Variants in NF1 observed in about 807,000 individuals in gnomAD.
NF1 encodes neurofibromin 1, also known as neurofibromin.
A neutral mutation model predicts 325.7 loss-of-function variants in NF1; 122 were observed. That is an observed-to-expected ratio of 0.37 (90% CI 0.32 to 0.44). NF1 has a LOEUF of 0.44. NF1 is among the 20% of genes least tolerant of loss of function. The pLI is 1.00. For missense variants in NF1, 2,140 were observed against 3,415.4 expected (o/e 0.63, Z 9.31); for synonymous variants, 1,091 against 1,186.0 (o/e 0.92, Z 1.65).
chr17:31,304,560 C>T, intron 36 of NF1: 1 of 1,614,170 alleles, frequency 6.2e-7, no homozygotes, highest in South Asian at 1.1e-5. Flanking sequence ...GGTTACTTTC[C>T]TGTCCTTCCA....
intron 51 of NF1, among the ~76,000 whole-genome samples, chr17:31,355,018 T>G (rs2070237349): frequency 6.6e-6 from 1 of 152,186 alleles, no homozygotes; most frequent in African/African-American, 2.4e-5. Flanking sequence ...AAATTTAGGT[T>G]GATTACATTT....
chr17:31,131,643 A>T (rs961140536), intron 1 of NF1, among the ~76,000 whole-genome samples: 3 of 152,212 alleles, frequency 2.0e-5, no homozygotes, highest in African/African-American at 7.2e-5. Context: ...CATTGATGTT[A>T]CATTCTGTGG....
At chr17:31,223,162 T>G (rs1307260551) in intron 15 of NF1, among the ~76,000 whole-genome samples, 1 of 152,204 alleles carries the variant, frequency 6.6e-6, no homozygotes. Flanking sequence ...TTTCTTCTTA[T>G]GTCTACTACA....
At chr17:31,326,348 T>A in intron 37 of NF1, 96 bp downstream of exon 37, 1 of 1,227,536 alleles carries the variant, frequency 8.1e-7, no homozygotes, top group East Asian at 2.4e-5. Context: ...CCTATAGTGG[T>A]GTATAAAATG....
In NF1 at chr17:31,375,696, A is replaced by G. The variant is rs2151602853; in HGVS notation, c.*1541A>G. On this transcript the variant is annotated 3_prime_UTR_variant, in exon 58 of 58. Coordinates refer to ENST00000358273, the MANE Select transcript of NF1 (RefSeq NM_001042492.3). ...TGCTGTTTCATTAGAGGATTTCAGT[A>G]AATTAAATTCCACAGCTAATTCAAT... 4.3e-6 allele frequency: 1 copy of G among 232,916 alleles called. No homozygotes were observed. Among genetic ancestry groups the G allele is most frequent in the Non-Finnish European group, 8.5e-6 (1 of 117,588 alleles). 14.4% of individuals were successfully genotyped at this position (232,916 alleles called of 1,614,324 possible).
At chr17:31,138,696 C>A (rs1397716372) in intron 1 of NF1, among the ~76,000 whole-genome samples, 2 of 150,248 alleles carry the variant, frequency 1.3e-5, no homozygotes, top group East Asian at 2.0e-4. Context: ...CAGGTTCACG[C>A]AATTCTTCTG....
At position 31,236,067 on chromosome 17, in the gene NF1, T is replaced by TTG. The variant is rs1555615590; in HGVS notation, c.3974+47_3974+48insGT. 1,027 of 1,463,904 alleles carry TTG rather than the reference T, an allele frequency of 7.0e-4. 3 individuals carry two copies. The African/African-American group carries it at 8.2e-3, about 12-fold the overall frequency. 90.7% of individuals were successfully genotyped at this position (1,463,904 alleles called of 1,614,324 possible). ...GAACCGCTGTTTTTTGTTTTTTTTTTTTTGTTTGTTTGTTTTACTAACACT... is the reference window on the plus strand; with the variant it reads ...GAACCGCTGTTTTTTGTTTTTTTTTTTGTTTGTTTGTTTGTTTTACTAACACT... On this transcript the variant is annotated intron_variant, in intron 29 of 57. Transcript: ENST00000358273.
intron 36 of NF1, chr17:31,295,104 T>C (rs1193243476): frequency 6.2e-7 from 1 of 1,614,090 alleles, no homozygotes; most frequent in African/African-American, 1.3e-5. Context: ...GTCTTTACAT[T>C]TGTGGTTGTC....
At chr17:31,293,933 G>C (rs1344956593) in intron 36 of NF1, among the ~76,000 whole-genome samples, 1 of 152,180 alleles carries the variant, frequency 6.6e-6, no homozygotes, top group South Asian at 2.1e-4. Flanking sequence ...TGGAGTTCCA[G>C]TGTGGTTTGA....
chr17:31,188,912 GC>G (rs1378584571), intron 8 of NF1, among the ~76,000 whole-genome samples: 1 of 152,172 alleles, frequency 6.6e-6, no homozygotes, highest in Non-Finnish European at 1.5e-5. Flanking sequence ...CCTGCAGACA[GC>G]CTATTGTGGG....
intron 46 of NF1, 162 bp from the exon 47 acceptor site, chr17:31,340,343 C>T: frequency 1.2e-6 from 1 of 804,834 alleles, no homozygotes; most frequent in Non-Finnish European, 2.0e-6. Context: ...TTTAGTTATA[C>T]ATATGGAAAA....
intron 36 of NF1, among the ~76,000 whole-genome samples, chr17:31,270,645 C>G (rs976230847): frequency 1.3e-5 from 2 of 152,074 alleles, no homozygotes; most frequent in Non-Finnish European, 2.9e-5. Context: ...ACAAAAACCC[C>G]AAGTTACAAA....
rs201697638 is a variant in NF1, at chr17:31,130,074, G to GTTTT, written c.61-25903_61-25900dup. On this transcript the variant is annotated intron_variant, in intron 1 of 57. Coordinates refer to ENST00000358273, the MANE Select transcript of NF1 (RefSeq NM_001042492.3). ...TGTTCCTTCAGTCTTTGAAGTCGCT[G>GTTTT]TTTTTTTTTGTTTTTTTTTTTTTAT... Among the ~76,000 whole-genome samples, 45 of 129,340 alleles carry GTTTT rather than the reference G, an allele frequency of 3.5e-4. 2 individuals are homozygous for GTTTT. Among genetic ancestry groups the GTTTT allele is most frequent in the African/African-American group, 9.1e-4 (31 of 34,028 alleles). The allele number at this position is 129,340 out of a possible 152,430, so 84.9% of individuals were successfully genotyped here.
At chr17:31,367,662 T>C (rs1449032309) in intron 57 of NF1, among the ~76,000 whole-genome samples, 1 of 152,170 alleles carries the variant, frequency 6.6e-6, no homozygotes, top group Non-Finnish European at 1.5e-5. Context: ...CCCCAGTGTT[T>C]CCTCAGAAAT....
At chr17:31,344,534 A>G (rs192953011) in intron 48 of NF1, among the ~76,000 whole-genome samples, 13 of 152,362 alleles carry the variant, frequency 8.5e-5, no homozygotes, top group Admixed American at 7.2e-4. Context: ...ATTAATTTAA[A>G]TCATAGGCTT....
At chr17:31,318,575 GA>G in intron 36 of NF1, 4 of 1,614,070 alleles carry the variant, frequency 2.5e-6, no homozygotes, top group Non-Finnish European at 3.4e-6. Flanking sequence ...GTACAGATAA[GA>G]AAAAGCACTG....
At chr17:31,128,958 C>A (rs904652092) in intron 1 of NF1, among the ~76,000 whole-genome samples, 1 of 151,954 alleles carries the variant, frequency 6.6e-6, no homozygotes, top group Non-Finnish European at 1.5e-5. Flanking sequence ...GAATATAGAC[C>A]TCCAATCTCT....
rs2067767184 is a variant in NF1, at chr17:31,265,332, G to A, written c.4828G>A (p.Ala1610Thr). 2 of 1,607,788 alleles carry A rather than the reference G, an allele frequency of 1.2e-6. No individual in the cohort carries two copies. The highest frequency in any genetic ancestry group is 1.7e-6 in the Non-Finnish European group (2 of 1,174,800). The change falls in exon 36 of 58, where the codon GCA becomes ACA. Residue 1610 changes from alanine to threonine, a missense_variant. Ala to Thr is a moderately conservative substitution (Grantham distance 58, BLOSUM62 0). Coordinates refer to ENST00000358273, the MANE Select transcript of NF1 (RefSeq NM_001042492.3). The stretch of plus-strand genomic sequence containing the variant: ...TGGGAATCCTATTTTTTATTATGTT[G>A]CACGGAGGTAAGAAATACTATGTTT... The part of the protein sequence containing the change: ...KAGNPIFYYV[A>T]RRFKTGQING...
At chr17:31,139,014 G>A (rs1916008378) in intron 1 of NF1, among the ~76,000 whole-genome samples, 1 of 151,546 alleles carries the variant, frequency 6.6e-6, no homozygotes. Context: ...CTTATACCTG[G>A]TGATTCTGAG....
Sources: allele counts gnomAD v4.1 joint callset (sites outside exome capture counted in the v4.1 genomes callset), GRCh38; gene constraint gnomAD v4.1.1; transcripts MANE v1.5; gene names NCBI Gene and HGNC (gene_info 2026-07-23, HGNC 2026-07-21).